CDADC1: variants seen among roughly 807,000 people sequenced by gnomAD.
The protein encoded by CDADC1 is cytidine and dCMP deaminase domain containing 1.
A neutral mutation model predicts 54.9 loss-of-function variants in CDADC1; 39 were observed. That is an observed-to-expected ratio of 0.71 (90% confidence interval 0.55 to 0.93). The LOEUF (loss-of-function observed/expected upper bound fraction) is 0.93. Ranked by LOEUF, CDADC1 falls within the 40% of genes least tolerant of loss-of-function variation. The pLI is 0.00. For synonymous variants in CDADC1, 186 were observed against 204.0 expected (o/e 0.91, Z 0.75); for missense variants, 518 against 618.8 (o/e 0.84, Z 1.73).
chr13:49,273,889 T>C (rs1343611851), intron 5 of CDADC1, among the ~76,000 whole-genome samples: 1 of 152,234 alleles, frequency 6.6e-6, no homozygotes, highest in South Asian at 2.1e-4. Context: ...TGAACAGTTA[T>C]TACACAAAAT....
intron 2 of CDADC1, among the ~76,000 whole-genome samples, chr13:49,252,583 G>C (rs970089004): frequency 1.3e-5 from 2 of 152,076 alleles, no homozygotes; most frequent in African/African-American, 4.8e-5. Flanking sequence ...ATAGTGTGGG[G>C]GAAGAATACA....
intron 2 of CDADC1, among the ~76,000 whole-genome samples, chr13:49,251,473 CT>C (rs1045736372): frequency 2.7e-5 from 4 of 149,880 alleles, no homozygotes; most frequent in African/African-American, 7.5e-5. Flanking sequence ...AAAAGGCGTT[CT>C]TTTTTTTGTA....
intron 8 of CDADC1, among the ~76,000 whole-genome samples, chr13:49,282,019 T>C (rs1454449470): frequency 1.3e-5 from 2 of 149,616 alleles, no homozygotes; most frequent in Non-Finnish European, 2.9e-5. Flanking sequence ...GGTTTCACCA[T>C]GTTGGCCAGG....
At chr13:49,271,605 CT>C (rs559660895) in intron 5 of CDADC1, among the ~76,000 whole-genome samples, 630 of 140,626 alleles carry the variant, frequency 4.5e-3, no homozygotes, top group African/African-American at 4.0e-3. Context: ...GGAGTTGCCT[CT>C]TTTTTTTTTT....
At chr13:49,277,731 A>G (rs2138247739) in intron 6 of CDADC1, among the ~76,000 whole-genome samples, 1 of 152,332 alleles carries the variant, frequency 6.6e-6, no homozygotes, top group South Asian at 2.1e-4. Flanking sequence ...TTTAAAAGAG[A>G]AATAAGAGCC....
chr13:49,250,220 A>G (rs9316434), intron 2 of CDADC1, among the ~76,000 whole-genome samples: 45,093 of 152,170 alleles, frequency 0.3, 6,806 homozygotes, highest in East Asian at 0.5. Flanking sequence ...TAGATTTTCC[A>G]GAGAAAGACT....
intron 8 of CDADC1, among the ~76,000 whole-genome samples, chr13:49,282,236 G>GTTTTTTTTTTTTTTTTTTTTTTTTT (rs759792512): frequency 5.3e-5 from 5 of 94,142 alleles, no homozygotes; most frequent in African/African-American, 8.2e-5. Context: ...GTTTTTGTGG[G>GTTTTTTTTTTTTTTTTTTTTTTTTT]TTTTTTTTTT....
chr13:49,265,810 C>T, intron 4 of CDADC1: 1 of 1,241,736 alleles, frequency 8.1e-7, no homozygotes, highest in Non-Finnish European at 1.0e-6. Flanking sequence ...ATTTGAGAAA[C>T]TCTGCTTTAG....
At position 49,292,890 on chromosome 13, in the gene CDADC1, C is replaced by T. The variant is rs754684674; in HGVS notation, c.*1133C>T. On this transcript the variant is annotated 3_prime_UTR_variant, in exon 10 of 10. Transcript: ENST00000251108. ...CTTTCCGCCACATCACACGGCCTCA[C>T]TGGGCTTCCTACCAGTTTCTCAGAA... 1.0e-5 allele frequency: 8 copies of T among 765,252 alleles called. No homozygotes were observed. Among genetic ancestry groups the T allele is most frequent in the Non-Finnish European group, 1.5e-5 (8 of 544,108 alleles). 47.4% of individuals were successfully genotyped at this position (765,252 alleles called of 1,614,324 possible). A position where few individuals can be genotyped will look rare whatever the true frequency, so the allele number is the denominator to read the frequency against.
chr13:49,280,833 ATTT>A (rs376301531), intron 8 of CDADC1, 135 bp downstream of exon 8: 2 of 177,962 alleles, frequency 1.1e-5, no homozygotes, highest in Admixed American at 7.2e-5. Flanking sequence ...TATTATTATT[ATTT>A]TATTATTATT....
intron 5 of CDADC1, among the ~76,000 whole-genome samples, chr13:49,272,657 C>CT (rs1191602451): frequency 0.051 from 6,761 of 133,014 alleles, 408 homozygotes; most frequent in African/African-American, 0.14. Context: ...ATTTCTTTTT[C>CT]TTTTTTTTTT....
intron 4 of CDADC1, among the ~76,000 whole-genome samples, chr13:49,264,529 G>A (rs1019919480): frequency 7.4e-6 from 1 of 135,320 alleles, no homozygotes; most frequent in Non-Finnish European, 1.5e-5. Flanking sequence ...ACCAGCCTGG[G>A]CAACATAGCG....
intron 4 of CDADC1, among the ~76,000 whole-genome samples, chr13:49,262,495 A>G (rs996670836): frequency 2.0e-5 from 3 of 151,936 alleles, no homozygotes; most frequent in Admixed American, 2.0e-4. Context: ...GTACCAAAAC[A>G]ATGATAGGTA....
chr13:49,262,932 C>T (rs1952720926), intron 4 of CDADC1, among the ~76,000 whole-genome samples: 1 of 152,134 alleles, frequency 6.6e-6, no homozygotes, highest in South Asian at 2.1e-4. Flanking sequence ...ATAAGAAGGT[C>T]CTTGATGAAA....
At chr13:49,263,554 T>A (rs1952738710) in intron 4 of CDADC1, among the ~76,000 whole-genome samples, 1 of 152,194 alleles carries the variant, frequency 6.6e-6, no homozygotes, top group South Asian at 2.1e-4. Flanking sequence ...TAAGAAACTA[T>A]CCCTTGTCAA....
chr13:49,279,851 C>T (rs1953265687), intron 7 of CDADC1, among the ~76,000 whole-genome samples: 1 of 152,162 alleles, frequency 6.6e-6, no homozygotes, highest in Non-Finnish European at 1.5e-5. Flanking sequence ...TGCAAAATTT[C>T]ACCCAAAATT....
chr13:49,265,116 C>G (rs190273651), intron 4 of CDADC1, among the ~76,000 whole-genome samples: 134 of 152,310 alleles, frequency 8.8e-4, no homozygotes, highest in African/African-American at 3.2e-3. Context: ...ACAGGGGAAT[C>G]TATCAAAGAA....
intron 1 of CDADC1, 97 bp from the exon 2 acceptor site, chr13:49,248,774 A>T (rs1408032493): frequency 1.3e-6 from 1 of 767,460 alleles, no homozygotes; most frequent in Non-Finnish European, 2.3e-6. Flanking sequence ...TTGCGAAAGC[A>T]GCTGGGCTTA....
chr13:49,259,645 G>T, intron 4 of CDADC1, 122 bp downstream of exon 4: 2 of 880,626 alleles, frequency 2.3e-6, no homozygotes, highest in Admixed American at 2.4e-5. Flanking sequence ...GAGCCCAGGA[G>T]TTCACAAATA....
Sources: allele counts gnomAD v4.1 joint callset (sites outside exome capture counted in the v4.1 genomes callset), GRCh38; gene constraint gnomAD v4.1.1; transcripts MANE v1.5; gene names NCBI Gene and HGNC (gene_info 2026-07-23, HGNC 2026-07-21).